VOPP1: variants seen among roughly 807,000 people sequenced by gnomAD.
VOPP1 encodes VOPP1 WW domain binding protein.
A neutral mutation model predicts 23.5 loss-of-function variants in VOPP1; 8 were observed. The observed-to-expected ratio is 0.34, with a 90% CI of 0.20 to 0.61. The LOEUF (loss-of-function observed/expected upper bound fraction) is 0.61, where lower values mean the gene tolerates loss of function less well. Ranked by LOEUF, VOPP1 falls within the 20% of genes least tolerant of loss-of-function variation. VOPP1 has a pLI of 0.78. For missense variants in VOPP1, 174 were observed against 238.1 expected (o/e 0.73, Z 1.77); for synonymous variants, 83 against 97.3 (o/e 0.85, Z 0.86).
chr7:55,530,033 T>A (rs1796411454), intron 1 of VOPP1, among the ~76,000 whole-genome samples: 1 of 152,178 alleles, frequency 6.6e-6, no homozygotes, highest in South Asian at 2.1e-4. Flanking sequence ...ACACAGGTCC[T>A]TGCATGGACA....
At chr7:55,489,276 C>T (rs574137065) in intron 4 of VOPP1, among the ~76,000 whole-genome samples, 8 of 152,330 alleles carry the variant, frequency 5.3e-5, no homozygotes, top group African/African-American at 1.9e-4. Context: ...TCAGCCACAC[C>T]GTTGCAGGCC....
chr7:55,449,824 G>A (rs79556029), intron 4 of VOPP1, among the ~76,000 whole-genome samples: 1,631 of 152,198 alleles, frequency 0.011, 10 homozygotes, highest in Middle Eastern at 0.02. Context: ...ACCCTCCTGC[G>A]GCCCCTGCAG....
At chr7:55,542,719 A>G (rs117895045) in intron 1 of VOPP1, among the ~76,000 whole-genome samples, 1,718 of 151,830 alleles carry the variant, frequency 0.011, 11 homozygotes, top group Middle Eastern at 0.02. Flanking sequence ...GAACCCTAGA[A>G]GCAGAGGTTG....
intron 2 of VOPP1, among the ~76,000 whole-genome samples, chr7:55,503,360 T>C (rs1794496184): frequency 6.6e-6 from 1 of 152,204 alleles, no homozygotes; most frequent in Admixed American, 6.5e-5. Flanking sequence ...GCATGTGTTA[T>C]GCTTAGTCCT....
intron 1 of VOPP1, among the ~76,000 whole-genome samples, chr7:55,523,873 ATTC>A (rs762418863): frequency 3.3e-5 from 5 of 152,242 alleles, no homozygotes; most frequent in Non-Finnish European, 5.9e-5. Context: ...CAAGAGCAAA[ATTC>A]TTCTGAGTAT....
chr7:55,496,142 T>G (rs1275776526), intron 3 of VOPP1, among the ~76,000 whole-genome samples: 1 of 152,264 alleles, frequency 6.6e-6, no homozygotes, highest in Non-Finnish European at 1.5e-5. Context: ...ATCCAATGCC[T>G]GAACGCTGAC....
At chr7:55,483,713 A>C (rs1021197406) in intron 4 of VOPP1, among the ~76,000 whole-genome samples, 1 of 152,214 alleles carries the variant, frequency 6.6e-6, no homozygotes, top group African/African-American at 2.4e-5. Context: ...CTCTCATTAA[A>C]GCAGAATATA....
chr7:55,457,215 TAAC>T lies in VOPP1; in HGVS notation n.418-21044_418-21042del, dbSNP rs145739403. 2.0e-3 allele frequency among the ~76,000 whole-genome samples: 299 copies of T among 152,318 alleles called. 2 individuals carry two copies. The highest frequency in any genetic ancestry group is 6.8e-3 in the African/African-American group (282 of 41,564). ...ATTTGTTTTCCTGGCTTATTTCACT[TAAC>T]ATAATGACCTCGAGTTCCAATCCAT... On this transcript the variant is annotated intron_variant and non_coding_transcript_variant, in intron 4 of 4. Coordinates refer to the VOPP1 transcript ENST00000462326.
chr7:55,566,902 G>C (rs1798180583), intron 1 of VOPP1, among the ~76,000 whole-genome samples: 1 of 152,224 alleles, frequency 6.6e-6, no homozygotes, highest in Non-Finnish European at 1.5e-5. Context: ...GGACCACACA[G>C]CTGTGTTAGA....
intron 1 of VOPP1, among the ~76,000 whole-genome samples, chr7:55,539,870 A>G (rs1269939511): frequency 6.6e-6 from 1 of 151,244 alleles, no homozygotes; most frequent in African/African-American, 2.4e-5. Flanking sequence ...TACACACAAC[A>G]TAACAAACGG....
At chr7:55,444,712 ACT>A (rs1385740769) in intron 4 of VOPP1, among the ~76,000 whole-genome samples, 6 of 73,340 alleles carry the variant, frequency 8.2e-5, no homozygotes, top group East Asian at 3.4e-4. Context: ...CTTCGTAGAA[ACT>A]CTTTTTTTTT....
At chr7:55,468,369 T>TC (rs113064677), downstream of VOPP1, among the ~76,000 whole-genome samples, 1,828 of 151,424 alleles carry the variant, frequency 0.012, 13 homozygotes, top group Admixed American at 0.021. Context: ...AGCCCACAGC[T>TC]CCCTCTTCCC....
chr7:55,570,620 G>A (rs775287546), intron 1 of VOPP1, among the ~76,000 whole-genome samples: 1 of 152,244 alleles, frequency 6.6e-6, no homozygotes, highest in African/African-American at 2.4e-5. Flanking sequence ...TGAAAGAAAC[G>A]CTAAATAATT....
chr7:55,531,412 C>T (rs1036166754), intron 1 of VOPP1, among the ~76,000 whole-genome samples: 7 of 146,732 alleles, frequency 4.8e-5, no homozygotes, highest in African/African-American at 1.8e-4. Flanking sequence ...TGCAGTGGTG[C>T]GATCTTGGCT....
At chr7:55,484,303 C>T (rs1037566350) in intron 4 of VOPP1, among the ~76,000 whole-genome samples, 2 of 152,220 alleles carry the variant, frequency 1.3e-5, no homozygotes, top group African/African-American at 2.4e-5. Context: ...CTGTCAAACA[C>T]ATCAGACTTG....
intron 4 of VOPP1, among the ~76,000 whole-genome samples, chr7:55,484,515 G>C (rs892780957): frequency 6.6e-6 from 1 of 152,166 alleles, no homozygotes; most frequent in African/African-American, 2.4e-5. Flanking sequence ...AGTGGTCTCT[G>C]TGCCAGCCAG....
At chr7:55,554,581 TTGCCGAGGA>T (rs1165183150) in intron 1 of VOPP1, among the ~76,000 whole-genome samples, 1 of 152,066 alleles carries the variant, frequency 6.6e-6, no homozygotes, top group African/African-American at 2.4e-5. Flanking sequence ...AGAACTTGGG[TTGCCGAGGA>T]TGTAGGGATG....
At chr7:55,457,701 T>C (rs1791402991) in intron 4 of VOPP1, among the ~76,000 whole-genome samples, 1 of 152,192 alleles carries the variant, frequency 6.6e-6, no homozygotes, top group Non-Finnish European at 1.5e-5. Context: ...TGCATTTCCC[T>C]GATGGCTAGT....
intron 4 of VOPP1, among the ~76,000 whole-genome samples, chr7:55,483,201 A>G (rs1006321804): frequency 1.3e-5 from 2 of 151,914 alleles, no homozygotes; most frequent in African/African-American, 4.8e-5. Flanking sequence ...ATCCTGCATC[A>G]CCTATTTCAT....
Sources: allele counts gnomAD v4.1 joint callset (sites outside exome capture counted in the v4.1 genomes callset), GRCh38; gene constraint gnomAD v4.1.1; transcripts MANE v1.5; gene names NCBI Gene and HGNC (gene_info 2026-07-23, HGNC 2026-07-21).